KCNH1: variants seen among roughly 807,000 people sequenced by gnomAD.
KCNH1 encodes voltage-gated delayed rectifier potassium channel KCNH1.
In KCNH1, 27 loss-of-function variants were observed where a neutral mutation model predicts 69.2. The observed-to-expected ratio is 0.39, with a 90% CI of 0.29 to 0.54. The LOEUF (loss-of-function observed/expected upper bound fraction) is 0.54. Among genes scored for constraint, KCNH1 ranks in the 20% least tolerant of loss-of-function variants. The pLI is 0.68. For synonymous variants in KCNH1, 456 were observed against 487.7 expected (o/e 0.93, Z 0.86); for missense variants, 798 against 1,261.6 (o/e 0.63, Z 5.57).
chr1:210,890,301 C>T (rs1157179456), intron 7 of KCNH1, among the ~76,000 whole-genome samples: 4 of 152,140 alleles, frequency 2.6e-5, no homozygotes, highest in African/African-American at 9.7e-5. Context: ...GGAAAGGATT[C>T]CCTATTTAAT....
chr1:210,856,812 T>TTA (rs1332724057), intron 7 of KCNH1, among the ~76,000 whole-genome samples: 3 of 120,308 alleles, frequency 2.5e-5, no homozygotes, highest in Non-Finnish European at 5.5e-5. Context: ...TATATATATA[T>TTA]TATATATATT....
chr1:210,764,189 C>G (rs1683575757), intron 10 of KCNH1, among the ~76,000 whole-genome samples: 1 of 151,958 alleles, frequency 6.6e-6, no homozygotes, highest in African/African-American at 2.4e-5. Flanking sequence ...AAACTGGACC[C>G]CTACCTCTCA....
At chr1:211,019,690 C>G (rs1689553890) in intron 5 of KCNH1, among the ~76,000 whole-genome samples, 1 of 152,190 alleles carries the variant, frequency 6.6e-6, no homozygotes, top group South Asian at 2.1e-4. Flanking sequence ...CATCCAACAG[C>G]TGCAGAATAC....
In KCNH1 at chr1:210,856,801, TTA is replaced by T. The variant is rs1286616243; in HGVS notation, c.1463-52637_1463-52636del. ...ATGTTATATATATATATATTTATAT[TTA>T]TATATATATTATATATATTTTATAT... On this transcript the variant is annotated intron_variant, in intron 7 of 10. Coordinates refer to ENST00000271751, the MANE Select transcript of KCNH1 (RefSeq NM_172362.3). Among the ~76,000 whole-genome samples, 170 of 105,414 alleles carry T rather than the reference TTA, an allele frequency of 1.6e-3. 1 individual carries two copies. Among genetic ancestry groups the T allele is most frequent in the Non-Finnish European group, 2.6e-3 (135 of 52,162 alleles). 69.2% of individuals were successfully genotyped at this position (105,414 alleles called of 152,430 possible). A position where few individuals can be genotyped will look rare whatever the true frequency, so the allele number is the denominator to read the frequency against.
chr1:210,809,305 A>G (rs534494491), intron 7 of KCNH1, among the ~76,000 whole-genome samples: 5 of 152,128 alleles, frequency 3.3e-5, no homozygotes, highest in Non-Finnish European at 7.4e-5. Flanking sequence ...GAAAATGACA[A>G]GGTTCATAAA....
intron 7 of KCNH1, among the ~76,000 whole-genome samples, chr1:210,900,841 C>A (rs1486189233): frequency 6.6e-6 from 1 of 152,144 alleles, no homozygotes; most frequent in Non-Finnish European, 1.5e-5. Flanking sequence ...TTCCCATCCT[C>A]CTTCTCCTCA....
chr1:210,982,476 C>A (rs547168354), intron 6 of KCNH1, among the ~76,000 whole-genome samples: 1 of 151,984 alleles, frequency 6.6e-6, no homozygotes, highest in Admixed American at 6.6e-5. Flanking sequence ...GTGTCCATGT[C>A]TTCTCATTAT....
chr1:211,126,410 T>G (rs1234127468), intron 1 of KCNH1, among the ~76,000 whole-genome samples: 4 of 151,480 alleles, frequency 2.6e-5, no homozygotes, highest in Non-Finnish European at 5.9e-5. Flanking sequence ...CTCGGGAGGC[T>G]GAGGCAGGAG....
chr1:211,050,595 C>A (rs1690184052), intron 5 of KCNH1, among the ~76,000 whole-genome samples: 1 of 152,216 alleles, frequency 6.6e-6, no homozygotes, highest in South Asian at 2.1e-4. Flanking sequence ...GGGTAACAAT[C>A]TCGGTTTCTT....
chr1:210,746,020 C>T (rs1683144887), intron 10 of KCNH1, among the ~76,000 whole-genome samples: 1 of 152,176 alleles, frequency 6.6e-6, no homozygotes, highest in Non-Finnish European at 1.5e-5. Flanking sequence ...GGGGCAGCCA[C>T]ACACACAGAG....
At chr1:211,000,747 A>G (rs1162529217) in intron 6 of KCNH1, among the ~76,000 whole-genome samples, 2 of 152,318 alleles carry the variant, frequency 1.3e-5, no homozygotes, top group East Asian at 1.9e-4. Flanking sequence ...GCATCACGCT[A>G]CCTGACTTCA....
Position 211,033,775 on chromosome 1 carries a change from G to T in KCNH1, c.559-14519C>A, listed in dbSNP as rs200243182. ...ACCGGGGCCTGTTGTGGGGTGGGGG[G>T]AGTGGGGAGGGATAGCATTAGGAGA... On this transcript the variant is annotated intron_variant, in intron 5 of 10. Coordinates refer to ENST00000271751, the MANE Select transcript of KCNH1 (RefSeq NM_172362.3). 1.6e-4 allele frequency among the ~76,000 whole-genome samples: 24 copies of T among 151,868 alleles called. No individual in the cohort carries two copies. The East Asian group carries it at 4.5e-3, about 28-fold the overall frequency.
intron 6 of KCNH1, among the ~76,000 whole-genome samples, chr1:210,996,767 G>A (rs1304752351): frequency 6.6e-6 from 1 of 152,178 alleles, no homozygotes; most frequent in Non-Finnish European, 1.5e-5. Flanking sequence ...ACAAGGTCGG[G>A]TACTCCTCTG....
At chr1:210,817,084 T>C (rs975509970) in intron 7 of KCNH1, among the ~76,000 whole-genome samples, 4 of 152,324 alleles carry the variant, frequency 2.6e-5, no homozygotes, top group Admixed American at 6.5e-5. Context: ...AAAGGCAGAA[T>C]TGGAATCCTT....
intron 10 of KCNH1, among the ~76,000 whole-genome samples, chr1:210,709,290 A>C (rs1681994009): frequency 6.6e-6 from 1 of 152,226 alleles, no homozygotes; most frequent in Non-Finnish European, 1.5e-5. Flanking sequence ...AGATATGCAT[A>C]CACGGATGTG....
chr1:211,017,295 G>T (rs1689509993), intron 6 of KCNH1, among the ~76,000 whole-genome samples: 2 of 152,190 alleles, frequency 1.3e-5, no homozygotes, highest in South Asian at 4.1e-4. Context: ...GCATCATTAT[G>T]CCACTAGTAA....
chr1:210,717,658 T>A (rs892519516), intron 10 of KCNH1, among the ~76,000 whole-genome samples: 2 of 152,148 alleles, frequency 1.3e-5, no homozygotes, highest in African/African-American at 2.4e-5. Flanking sequence ...CCCTTGACAC[T>A]TTCTTGATTC....
intron 10 of KCNH1, among the ~76,000 whole-genome samples, chr1:210,759,447 C>A: frequency 6.6e-6 from 1 of 151,964 alleles, no homozygotes; most frequent in East Asian, 1.9e-4. Context: ...ATTTGAAAAA[C>A]AATATGGCTA....
intron 1 of KCNH1, among the ~76,000 whole-genome samples, chr1:211,132,257 T>G (rs912071409): frequency 1.3e-5 from 2 of 152,194 alleles, no homozygotes; most frequent in African/African-American, 4.8e-5. Context: ...CCCTTAATAG[T>G]CCAATAAAAA....
Sources: allele counts gnomAD v4.1 joint callset (sites outside exome capture counted in the v4.1 genomes callset), GRCh38; gene constraint gnomAD v4.1.1; transcripts MANE v1.5; gene names NCBI Gene and HGNC (gene_info 2026-07-23, HGNC 2026-07-21).